Variants in GPC5 observed in about 807,000 individuals in gnomAD.
GPC5 encodes the protein glypican-5.
A neutral mutation model predicts 53.9 loss-of-function variants in GPC5; 47 were observed. That is an observed-to-expected ratio of 0.87 (90% confidence interval 0.69 to 1.11). GPC5 has a LOEUF of 1.11. Among genes scored for constraint, GPC5 ranks in the 50% most tolerant of loss-of-function variants. GPC5 has a pLI of 0.00. For synonymous variants in GPC5, 286 were observed against 263.3 expected, an observed-to-expected ratio of 1.09 and a Z score of -0.84; for missense variants, 748 against 713.1, an observed-to-expected ratio of 1.05 and a Z score of -0.56.
intron 7 of GPC5, among the ~76,000 whole-genome samples, chr13:92,259,154 T>G (rs1414459818): frequency 1.3e-5 from 2 of 152,162 alleles, no homozygotes; most frequent in Admixed American, 6.5e-5. Context: ...TTAATTTGTT[T>G]CCATGCTCCC....
At chr13:92,617,321 C>G (rs1019211824) in intron 7 of GPC5, among the ~76,000 whole-genome samples, 11 of 152,154 alleles carry the variant, frequency 7.2e-5, no homozygotes, top group African/African-American at 2.4e-4. Flanking sequence ...AAACAGCAAT[C>G]AACAATCCAG....
At chr13:92,270,555 T>C (rs1301947562) in intron 7 of GPC5, among the ~76,000 whole-genome samples, 1 of 152,202 alleles carries the variant, frequency 6.6e-6, no homozygotes, top group Non-Finnish European at 1.5e-5. Flanking sequence ...TTAAACCTCT[T>C]TTCTTTGTAA....
intron 7 of GPC5, among the ~76,000 whole-genome samples, chr13:92,362,947 A>C (rs1201456633): frequency 6.6e-6 from 1 of 151,708 alleles, no homozygotes; most frequent in South Asian, 2.1e-4. Flanking sequence ...GCTATTGCAC[A>C]GGACGGGAAA....
intron 7 of GPC5, among the ~76,000 whole-genome samples, chr13:92,463,817 C>T (rs1316004673): frequency 6.6e-6 from 1 of 152,066 alleles, no homozygotes; most frequent in East Asian, 1.9e-4. Flanking sequence ...ATTTTTATTC[C>T]AGTTTCCACT....
chr13:92,069,771 G>C (rs982634441), intron 6 of GPC5, among the ~76,000 whole-genome samples: 3 of 152,062 alleles, frequency 2.0e-5, no homozygotes, highest in Admixed American at 1.3e-4. Flanking sequence ...GCCAAATCTG[G>C]ATAGAATTCC....
At chr13:92,785,332 G>A (rs1391056111) in intron 7 of GPC5, among the ~76,000 whole-genome samples, 9 of 152,044 alleles carry the variant, frequency 5.9e-5, no homozygotes, top group African/African-American at 1.4e-4. Flanking sequence ...ACATAGTCAT[G>A]GAATGAAGTA....
chr13:92,571,133 G>T (rs1396214394), intron 7 of GPC5, among the ~76,000 whole-genome samples: 2 of 152,088 alleles, frequency 1.3e-5, no homozygotes, highest in African/African-American at 4.8e-5. Flanking sequence ...TTGAGAGGGG[G>T]CTAGTTTTGT....
intron 2 of GPC5, among the ~76,000 whole-genome samples, chr13:91,663,632 C>T (rs1034432451): frequency 6.6e-6 from 1 of 150,488 alleles, no homozygotes; most frequent in Non-Finnish European, 1.5e-5. Flanking sequence ...TAATTAAAAA[C>T]ATTTTTTTTT....
At chr13:91,708,716 T>C (rs940976320) in intron 3 of GPC5, among the ~76,000 whole-genome samples, 2 of 152,196 alleles carry the variant, frequency 1.3e-5, no homozygotes, top group Admixed American at 6.5e-5. Context: ...ATAAAAAAAT[T>C]ACAATGTATA....
intron 2 of GPC5, among the ~76,000 whole-genome samples, chr13:91,617,356 G>A (rs1302124447): frequency 6.6e-6 from 1 of 152,092 alleles, no homozygotes; most frequent in Non-Finnish European, 1.5e-5. Context: ...AATTTCACCA[G>A]TCAGAAAAGT....
intron 7 of GPC5, among the ~76,000 whole-genome samples, chr13:92,680,360 A>G (rs558432276): frequency 1.2e-4 from 19 of 152,340 alleles, no homozygotes; most frequent in African/African-American, 4.1e-4. Flanking sequence ...AACTCTTTTC[A>G]ACAAAAGTTT....
At chr13:92,050,184 C>A (rs991980638) in intron 6 of GPC5, among the ~76,000 whole-genome samples, 4 of 152,084 alleles carry the variant, frequency 2.6e-5, no homozygotes, top group African/African-American at 9.7e-5. Context: ...GTACATCATT[C>A]CAATGATTAA....
intron 7 of GPC5, among the ~76,000 whole-genome samples, chr13:92,145,454 G>A (rs1482898232): frequency 6.6e-6 from 1 of 151,580 alleles, no homozygotes; most frequent in Admixed American, 6.6e-5. Flanking sequence ...AAAACTACTT[G>A]GATTTAATGC....
intron 7 of GPC5, among the ~76,000 whole-genome samples, chr13:92,333,270 G>A (rs2043300565): frequency 6.6e-6 from 1 of 152,088 alleles, no homozygotes. Context: ...TTCTGGTGTG[G>A]GGATAGGAAA....
intron 2 of GPC5, among the ~76,000 whole-genome samples, chr13:91,464,925 T>TG (rs1272951259): frequency 6.6e-6 from 1 of 152,150 alleles, no homozygotes; most frequent in African/African-American, 2.4e-5. Context: ...ATGCTTCCCC[T>TG]GGGGGAGGCT....
chr13:92,229,040 A>C (rs1482832870), intron 7 of GPC5, among the ~76,000 whole-genome samples: 1 of 152,172 alleles, frequency 6.6e-6, no homozygotes, highest in Non-Finnish European at 1.5e-5. Context: ...AGAAAGAAAA[A>C]GTGATAGACT....
intron 2 of GPC5, among the ~76,000 whole-genome samples, chr13:91,564,432 T>C (rs1457756555): frequency 6.6e-6 from 1 of 152,166 alleles, no homozygotes; most frequent in Non-Finnish European, 1.5e-5. Context: ...AAAAGTTTGG[T>C]ACTGTATTGT....
At chr13:91,973,932 G>A (rs966886284) in intron 6 of GPC5, among the ~76,000 whole-genome samples, 15 of 152,214 alleles carry the variant, frequency 9.9e-5, no homozygotes, top group Non-Finnish European at 1.6e-4. Context: ...TCGGGGTTCA[G>A]GGACCCACTT....
At chr13:92,800,193 A>G (rs1293932415) in intron 7 of GPC5, among the ~76,000 whole-genome samples, 1 of 151,876 alleles carries the variant, frequency 6.6e-6, no homozygotes, top group Admixed American at 6.6e-5. Context: ...ATAACTATAC[A>G]TGACTGTAAA....
Sources: allele counts gnomAD v4.1 joint callset (sites outside exome capture counted in the v4.1 genomes callset), GRCh38; gene constraint gnomAD v4.1.1; transcripts MANE v1.5; gene names NCBI Gene and HGNC (gene_info 2026-07-23, HGNC 2026-07-21).